TENM2: variants seen among roughly 807,000 people sequenced by gnomAD.
The protein encoded by TENM2 is teneurin-2.
A neutral mutation model predicts 245.2 loss-of-function variants in TENM2; 52 were observed. That is an observed-to-expected ratio of 0.21 (90% confidence interval 0.17 to 0.27). The LOEUF (loss-of-function observed/expected upper bound fraction) is 0.27, where lower values mean the gene tolerates loss of function less well. Among genes scored for constraint, TENM2 ranks in the 10% least tolerant of loss-of-function variants. The pLI is 1.00. For synonymous variants in TENM2, 1,363 were observed against 1,438.9 expected, an observed-to-expected ratio of 0.95 and a Z score of 1.19; for missense variants, 3,046 against 3,666.8, an observed-to-expected ratio of 0.83 and a Z score of 4.37.
the TENM2 span, among the ~76,000 whole-genome samples, chr5:166,992,705 G>A: frequency 6.6e-6 from 1 of 152,126 alleles, no homozygotes; most frequent in Non-Finnish European, 1.5e-5. Flanking sequence ...GAAGAATCAG[G>A]AGCCTCCAGG....
At chr5:168,013,460 CA>C (rs1015080235) in intron 5 of TENM2, among the ~76,000 whole-genome samples, 2 of 151,972 alleles carry the variant, frequency 1.3e-5, no homozygotes, top group Non-Finnish European at 2.9e-5. Flanking sequence ...AAAAATTAGC[CA>C]GGCCTGGTGG....
At chr5:167,422,887 C>T (rs1763592502) in intron 2 of TENM2, among the ~76,000 whole-genome samples, 1 of 152,098 alleles carries the variant, frequency 6.6e-6, no homozygotes, top group Admixed American at 6.6e-5. Context: ...CTGAAATGAG[C>T]TTATAATCAG....
At chr5:167,407,560 G>A (rs1037710827) in intron 2 of TENM2, among the ~76,000 whole-genome samples, 11 of 152,156 alleles carry the variant, frequency 7.2e-5, no homozygotes, top group Non-Finnish European at 1.3e-4. Flanking sequence ...GCTCATGCCC[G>A]TAATCCCAGC....
chr5:167,189,877 T>C, the TENM2 span, among the ~76,000 whole-genome samples: 3 of 152,238 alleles, frequency 2.0e-5, no homozygotes, highest in South Asian at 2.1e-4. Context: ...AACTTTATAT[T>C]AATAATTTAG....
intron 1 of TENM2, among the ~76,000 whole-genome samples, chr5:167,355,792 A>G (rs943610838): frequency 1.3e-5 from 2 of 152,104 alleles, no homozygotes; most frequent in Admixed American, 1.3e-4. Flanking sequence ...ATTGCCCGTC[A>G]TTCTAGAGAT....
intron 5 of TENM2, among the ~76,000 whole-genome samples, chr5:168,035,448 G>A (rs1787575668): frequency 6.8e-6 from 1 of 146,184 alleles, no homozygotes; most frequent in Admixed American, 7.0e-5. Context: ...AGTGAACTGA[G>A]ATAGAGCTGC....
intron 2 of TENM2, among the ~76,000 whole-genome samples, chr5:167,825,589 G>T (rs1767904960): frequency 2.0e-5 from 3 of 152,138 alleles, no homozygotes; most frequent in Admixed American, 6.5e-5. Context: ...ACACACACAT[G>T]CATAGGCAGT....
At chr5:166,991,129 A>G in the TENM2 span, among the ~76,000 whole-genome samples, 2 of 151,892 alleles carry the variant, frequency 1.3e-5, no homozygotes, top group Non-Finnish European at 2.9e-5. Flanking sequence ...AAATGTTTCA[A>G]TTAAGTCTTT....
intron 7 of TENM2, among the ~76,000 whole-genome samples, chr5:168,068,856 T>C (rs1581210686): frequency 6.6e-6 from 1 of 152,070 alleles, no homozygotes; most frequent in East Asian, 1.9e-4. Flanking sequence ...TGTGTGTGTG[T>C]GTGTGTGTGT....
chr5:167,490,988 A>G (rs535336369), intron 2 of TENM2, among the ~76,000 whole-genome samples: 2 of 152,308 alleles, frequency 1.3e-5, no homozygotes, highest in African/African-American at 2.4e-5. Flanking sequence ...AACAGCTTCT[A>G]GTAAAAATCG....
At chr5:167,652,928 T>TA (rs1754575521) in intron 2 of TENM2, among the ~76,000 whole-genome samples, 1 of 152,216 alleles carries the variant, frequency 6.6e-6, no homozygotes, top group Non-Finnish European at 1.5e-5. Context: ...AGCTATGTGA[T>TA]AAAGTCTCAA....
chr5:167,531,342 T>C (rs1008079124), intron 2 of TENM2, among the ~76,000 whole-genome samples: 1 of 152,334 alleles, frequency 6.6e-6, no homozygotes, highest in South Asian at 2.1e-4. Context: ...ATTTCACTGT[T>C]TTCTATTTTC....
At chr5:167,260,293 A>G in the TENM2 span, among the ~76,000 whole-genome samples, 1 of 146,224 alleles carries the variant, frequency 6.8e-6, no homozygotes, top group South Asian at 2.4e-4. Context: ...TTTTTGGAGG[A>G]AAAAAATCAT....
chr5:167,174,069 G>T, the TENM2 span, among the ~76,000 whole-genome samples: 1 of 150,134 alleles, frequency 6.7e-6, no homozygotes, highest in African/African-American at 2.4e-5. Context: ...TAAAGACAGA[G>T]CTATGGTGTG....
intron 6 of TENM2, among the ~76,000 whole-genome samples, chr5:168,055,931 T>C (rs367752015): frequency 6.6e-6 from 1 of 152,220 alleles, no homozygotes; most frequent in East Asian, 1.9e-4. Context: ...TCTCAGAACT[T>C]CTCAATAGGA....
chr5:167,775,932 T>C (rs1219447443), intron 2 of TENM2, among the ~76,000 whole-genome samples: 2 of 152,132 alleles, frequency 1.3e-5, no homozygotes, highest in Admixed American at 6.6e-5. Context: ...ATTGAGTAAA[T>C]AAATATTATT....
intron 3 of TENM2, among the ~76,000 whole-genome samples, chr5:167,916,447 G>A (rs1017598508): frequency 6.6e-6 from 1 of 152,146 alleles, no homozygotes; most frequent in Non-Finnish European, 1.5e-5. Context: ...CTGCTCGGTG[G>A]TGCACCTTTG....
intron 2 of TENM2, among the ~76,000 whole-genome samples, chr5:167,735,507 G>A (rs891804226): frequency 6.6e-6 from 1 of 152,202 alleles, no homozygotes; most frequent in Non-Finnish European, 1.5e-5. Context: ...GGCTGGACTT[G>A]TGAAAACTAT....
chr5:167,242,152 C>T, the TENM2 span, among the ~76,000 whole-genome samples: 25 of 151,032 alleles, frequency 1.7e-4, no homozygotes, highest in East Asian at 5.9e-4. Flanking sequence ...CAGGTTCAAG[C>T]GATTCTCCTG....
Sources: gnomAD v4.1 joint callset for allele counts (sites outside exome capture counted in the v4.1 genomes callset) on GRCh38, gnomAD v4.1.1 for gene constraint, MANE v1.5 for transcripts, NCBI Gene and HGNC (gene_info 2026-07-23, HGNC 2026-07-21) for gene names.